NLGN1: variants seen among roughly 807,000 people sequenced by gnomAD.
NLGN1 encodes neuroligin 1, also known as neuroligin-1.
In NLGN1, 12 loss-of-function variants were observed where a neutral mutation model predicts 65.5. The observed-to-expected ratio is 0.18, with a 90% CI of 0.12 to 0.30. The LOEUF is 0.30. NLGN1 is among the 10% of genes least tolerant of loss of function. The pLI, the probability that NLGN1 is intolerant of heterozygous loss-of-function variation, is 1.00. For synonymous variants in NLGN1, 350 were observed against 359.5 expected (o/e 0.97, Z 0.30); for missense variants, 750 against 1,007.1 (o/e 0.74, Z 3.46).
chr3:173,959,338 A>G (rs1712965422), intron 4 of NLGN1, among the ~76,000 whole-genome samples: 1 of 152,208 alleles, frequency 6.6e-6, no homozygotes, highest in Non-Finnish European at 1.5e-5. Flanking sequence ...CAGTAGTGAG[A>G]CATATTTATC....
At chr3:173,685,657 C>T (rs927005367) in intron 3 of NLGN1, 22 of 985,048 alleles carry the variant, frequency 2.2e-5, no homozygotes, top group Middle Eastern at 5.2e-4. Flanking sequence ...GTTGTTAGGG[C>T]GGAAAGATAG....
intron 4 of NLGN1, among the ~76,000 whole-genome samples, chr3:173,995,802 T>G (rs1184744333): frequency 6.6e-6 from 1 of 151,832 alleles, no homozygotes; most frequent in East Asian, 1.9e-4. Context: ...TCCTCTTGCC[T>G]CAGTTTCCCA....
At chr3:174,031,733 G>T (rs1034129119) in intron 4 of NLGN1, among the ~76,000 whole-genome samples, 1 of 152,030 alleles carries the variant, frequency 6.6e-6, no homozygotes, top group African/African-American at 2.4e-5. Context: ...TAGAAATAGA[G>T]AATTGAGAAA....
At chr3:174,023,706 G>T (rs1728237586) in intron 4 of NLGN1, among the ~76,000 whole-genome samples, 1 of 152,110 alleles carries the variant, frequency 6.6e-6, no homozygotes, top group African/African-American at 2.4e-5. Context: ...GTTAATAGCT[G>T]GGAAATCGCA....
At chr3:174,132,044 G>C (rs1447925012) in intron 4 of NLGN1, among the ~76,000 whole-genome samples, 2 of 152,156 alleles carry the variant, frequency 1.3e-5, no homozygotes, top group African/African-American at 2.4e-5. Flanking sequence ...ATTCATAGTT[G>C]TTATTCTTCA....
In NLGN1 at chr3:173,893,064, T is replaced by C. The variant is rs948649888; in HGVS notation, c.646+85232T>C. 5.3e-5 allele frequency among the ~76,000 whole-genome samples: 8 copies of C among 152,318 alleles called. 1 individual carries two copies. Among genetic ancestry groups the C allele is most frequent in the Admixed American group, 6.5e-5 (1 of 15,290 alleles). On this transcript the variant is annotated intron_variant, in intron 4 of 6. Coordinates refer to ENST00000457714, the Ensembl canonical transcript of NLGN1. ...AATCAGACAGAAAACAGGTATCTCC[T>C]ATCCACACTTTTGTGAGAAATCAGG...
At chr3:173,525,879 T>A (rs1350288519) in intron 2 of NLGN1, among the ~76,000 whole-genome samples, 2 of 152,294 alleles carry the variant, frequency 1.3e-5, no homozygotes, top group African/African-American at 4.8e-5. Context: ...AGGAGCAGGT[T>A]ACTTAGTTTT....
At chr3:173,653,583 A>C (rs1412223446) in intron 3 of NLGN1, among the ~76,000 whole-genome samples, 3 of 152,212 alleles carry the variant, frequency 2.0e-5, no homozygotes. Flanking sequence ...GTTTAAGAAA[A>C]TGAAAACTTC....
At chr3:173,690,615 A>G (rs1272948360) in intron 3 of NLGN1, among the ~76,000 whole-genome samples, 1 of 152,182 alleles carries the variant, frequency 6.6e-6, no homozygotes, top group Admixed American at 6.6e-5. Flanking sequence ...ATGAAAGTCC[A>G]TGATGTCAGA....
At chr3:173,802,843 T>C (rs1237169288) in intron 3 of NLGN1, among the ~76,000 whole-genome samples, 2 of 150,032 alleles carry the variant, frequency 1.3e-5, no homozygotes, top group Non-Finnish European at 2.9e-5. Flanking sequence ...AGAATGTATA[T>C]CTTTTTTTTT....
chr3:173,896,559 A>T (rs1736391467), intron 4 of NLGN1, among the ~76,000 whole-genome samples: 1 of 152,154 alleles, frequency 6.6e-6, no homozygotes, highest in Admixed American at 6.6e-5. Flanking sequence ...TTATGAACTT[A>T]TTTGACATTT....
intron 4 of NLGN1, among the ~76,000 whole-genome samples, chr3:173,849,938 A>G (rs1186070671): frequency 6.6e-6 from 1 of 152,114 alleles, no homozygotes; most frequent in African/African-American, 2.4e-5. Context: ...CTATAATAAA[A>G]TATATTTATC....
intron 4 of NLGN1, among the ~76,000 whole-genome samples, chr3:173,858,875 A>C (rs1001385961): frequency 1.3e-5 from 2 of 152,046 alleles, no homozygotes; most frequent in African/African-American, 4.8e-5. Context: ...CAAATCATTT[A>C]CTCGTCTCTT....
At chr3:173,617,640 A>G (rs1753317653) in intron 3 of NLGN1, among the ~76,000 whole-genome samples, 2 of 152,196 alleles carry the variant, frequency 1.3e-5, no homozygotes, top group South Asian at 2.1e-4. Context: ...AGTCTGACAG[A>G]TATAACCTGG....
chr3:173,485,728 TC>T (rs1331338296), intron 2 of NLGN1, among the ~76,000 whole-genome samples: 2 of 152,232 alleles, frequency 1.3e-5, no homozygotes, highest in African/African-American at 2.4e-5. Flanking sequence ...AATGCATATT[TC>T]CTAATAAAAT....
chr3:173,745,765 A>G (rs1301297455), intron 3 of NLGN1, among the ~76,000 whole-genome samples: 1 of 152,142 alleles, frequency 6.6e-6, no homozygotes, highest in Non-Finnish European at 1.5e-5. Flanking sequence ...ACCTAGTTCC[A>G]GGGAACAGAT....
At chr3:173,640,840 CAGATT>C (rs1560093802) in intron 3 of NLGN1, among the ~76,000 whole-genome samples, 1 of 152,138 alleles carries the variant, frequency 6.6e-6, no homozygotes, top group Non-Finnish European at 1.5e-5. Context: ...ATAGTTAGAT[CAGATT>C]AAACACTTTG....
intron 3 of NLGN1, among the ~76,000 whole-genome samples, chr3:173,803,273 G>T (rs1383497032): frequency 6.6e-6 from 1 of 152,098 alleles, no homozygotes; most frequent in African/African-American, 2.4e-5. Flanking sequence ...AAAAATTTAA[G>T]AAGTATTTTT....
At chr3:173,916,211 T>C (rs1022618934) in intron 4 of NLGN1, among the ~76,000 whole-genome samples, 1 of 152,204 alleles carries the variant, frequency 6.6e-6, no homozygotes, top group Non-Finnish European at 1.5e-5. Context: ...CTTACGATGA[T>C]CATCAAATAA....
Sources: gnomAD v4.1 joint callset for allele counts (sites outside exome capture counted in the v4.1 genomes callset) on GRCh38, gnomAD v4.1.1 for gene constraint, MANE v1.5 for transcripts, NCBI Gene and HGNC (gene_info 2026-07-23, HGNC 2026-07-21) for gene names.